The following CSMD3 variants were observed in gnomAD, a reference collection of about 807,000 sequenced individuals.
The protein encoded by CSMD3 is CUB and sushi domain-containing protein 3.
CSMD3 carries 177 observed loss-of-function variants against 435.2 expected under a neutral mutation model. The ratio of observed to expected loss-of-function variants is 0.41; its 90% confidence interval spans 0.36 to 0.46. The LOEUF (loss-of-function observed/expected upper bound fraction) is 0.46. Ranked by LOEUF, CSMD3 falls within the 20% of genes least tolerant of loss-of-function variation. CSMD3 has a pLI of 0.34. For synonymous variants in CSMD3, 1,656 were observed against 1,520.5 expected (o/e 1.09, Z -2.07); for missense variants, 4,265 against 4,504.6 (o/e 0.95, Z 1.52).
chr8:113,342,078 A>C (rs1327721880), intron 1 of CSMD3, among the ~76,000 whole-genome samples: 1 of 152,100 alleles, frequency 6.6e-6, no homozygotes, highest in African/African-American at 2.4e-5. Flanking sequence ...TAAAAGATTA[A>C]AAAGAAAAAA....
At chr8:112,740,548 A>C (rs1474066599) in intron 13 of CSMD3, among the ~76,000 whole-genome samples, 3 of 151,884 alleles carry the variant, frequency 2.0e-5, no homozygotes, top group Non-Finnish European at 4.4e-5. Context: ...ACATTTTAAA[A>C]GTGACTTTAT....
chr8:112,415,955 C>T (rs1228791888), intron 32 of CSMD3, among the ~76,000 whole-genome samples: 1 of 152,096 alleles, frequency 6.6e-6, no homozygotes, highest in Non-Finnish European at 1.5e-5. Flanking sequence ...CTTTTACAGG[C>T]TTATAGGTAG....
chr8:112,916,926 A>G (rs1323017825), intron 10 of CSMD3, among the ~76,000 whole-genome samples: 1 of 152,042 alleles, frequency 6.6e-6, no homozygotes, highest in Non-Finnish European at 1.5e-5. Flanking sequence ...TTTGTAACAT[A>G]TGTAAAATAA....
At chr8:112,752,630 T>G (rs1156407393) in intron 13 of CSMD3, among the ~76,000 whole-genome samples, 1 of 152,170 alleles carries the variant, frequency 6.6e-6, no homozygotes, top group Non-Finnish European at 1.5e-5. Context: ...ATATTCATTC[T>G]GAAGTTATAA....
chr8:112,780,358 T>G (rs1376939557), intron 13 of CSMD3, among the ~76,000 whole-genome samples: 2 of 152,018 alleles, frequency 1.3e-5, no homozygotes, highest in African/African-American at 4.8e-5. Context: ...AATGAATATA[T>G]TCAATAAAAT....
At chr8:113,361,254 T>G (rs2094274024) in intron 1 of CSMD3, among the ~76,000 whole-genome samples, 1 of 152,160 alleles carries the variant, frequency 6.6e-6, no homozygotes, top group Admixed American at 6.5e-5. Flanking sequence ...ACTTTTGCAT[T>G]TTAAATTCAG....
chr8:112,894,902 A>G (rs972918822), intron 10 of CSMD3, among the ~76,000 whole-genome samples: 1 of 151,444 alleles, frequency 6.6e-6, no homozygotes, highest in Non-Finnish European at 1.5e-5. Flanking sequence ...ATCATAGATA[A>G]GCAATCACTA....
chr8:112,831,657 T>TG (rs2079879958), intron 11 of CSMD3, among the ~76,000 whole-genome samples: 1 of 152,120 alleles, frequency 6.6e-6, no homozygotes, highest in Admixed American at 6.6e-5. Flanking sequence ...CACAACTGTT[T>TG]GTGTTTTGGC....
intron 7 of CSMD3, among the ~76,000 whole-genome samples, chr8:112,966,318 T>C (rs548677748): frequency 6.6e-6 from 1 of 151,744 alleles, no homozygotes; most frequent in South Asian, 2.1e-4. Flanking sequence ...GTTAGTCTCA[T>C]AAATAAAGAC....
intron 5 of CSMD3, among the ~76,000 whole-genome samples, chr8:113,030,101 A>G (rs1222670260): frequency 6.6e-6 from 1 of 151,464 alleles, no homozygotes; most frequent in African/African-American, 2.4e-5. Context: ...AAGGAAAACT[A>G]CAAAACACTG....
At chr8:113,242,327 G>T (rs1202115165) in intron 3 of CSMD3, among the ~76,000 whole-genome samples, 2 of 151,904 alleles carry the variant, frequency 1.3e-5, no homozygotes, top group Non-Finnish European at 2.9e-5. Context: ...AATGCTGTCA[G>T]ATATCAACTT....
chr8:113,337,845 T>C (rs1010584265), intron 1 of CSMD3, among the ~76,000 whole-genome samples: 6 of 138,260 alleles, frequency 4.3e-5, no homozygotes, highest in Non-Finnish European at 9.3e-5. Context: ...ATTATAAGTG[T>C]TTTTACCACA....
chr8:112,273,851 C>T lies in CSMD3; in HGVS notation c.9508+7323G>A, dbSNP rs147293002. On this transcript the variant is annotated intron_variant, in intron 59 of 70. Coordinates refer to ENST00000297405, the MANE Select transcript of CSMD3 (RefSeq NM_198123.2). ...TTGCTCTTATTCATCAGGTGCTATG[C>T]TCCACCATAAAGGGCCAGTGAGATA... is the stretch of plus-strand genomic sequence containing the variant. 8.1e-3 allele frequency among the ~76,000 whole-genome samples: 1,232 copies of T among 151,350 alleles called. 14 individuals carry two copies. The highest frequency in any genetic ancestry group is 0.028 in the African/African-American group (1,166 of 41,150).
At chr8:113,216,290 C>T (rs891286378) in intron 3 of CSMD3, among the ~76,000 whole-genome samples, 7 of 151,730 alleles carry the variant, frequency 4.6e-5, no homozygotes, top group Admixed American at 6.6e-5. Context: ...CTGTTATGTA[C>T]GCACTGAGCT....
intron 5 of CSMD3, among the ~76,000 whole-genome samples, chr8:113,087,542 G>C (rs952342669): frequency 4.6e-5 from 7 of 151,962 alleles, no homozygotes; most frequent in African/African-American, 1.7e-4. Flanking sequence ...AGAGCCCTCA[G>C]AAATAATGCC....
chr8:112,314,288 G>T, intron 48 of CSMD3, 141 bp downstream of exon 48: 1 of 711,540 alleles, frequency 1.4e-6, no homozygotes, highest in Non-Finnish European at 2.4e-6. Flanking sequence ...TATGGTATAG[G>T]AGTGAATTTA....
At chr8:113,296,969 T>C (rs969765048) in intron 2 of CSMD3, among the ~76,000 whole-genome samples, 24 of 152,154 alleles carry the variant, frequency 1.6e-4, no homozygotes, top group African/African-American at 5.5e-4. Flanking sequence ...AAGGTGGTAA[T>C]GGGCAGATAC....
chr8:112,399,024 C>G (rs1287932341), intron 35 of CSMD3, among the ~76,000 whole-genome samples: 1 of 151,508 alleles, frequency 6.6e-6, no homozygotes, highest in African/African-American at 2.4e-5. Context: ...TCAATCAATT[C>G]TCCTGCCTCA....
At chr8:112,331,342 C>T (rs1466543484) in intron 45 of CSMD3, among the ~76,000 whole-genome samples, 1 of 151,954 alleles carries the variant, frequency 6.6e-6, no homozygotes, top group Admixed American at 6.6e-5. Flanking sequence ...CAAAGAGATA[C>T]AAAAACATTT....
Sources: gnomAD v4.1 joint callset for allele counts (sites outside exome capture counted in the v4.1 genomes callset) on GRCh38, gnomAD v4.1.1 for gene constraint, MANE v1.5 for transcripts, NCBI Gene and HGNC (gene_info 2026-07-23, HGNC 2026-07-21) for gene names.